Variants in BBX observed in about 807,000 individuals in gnomAD.
BBX encodes the protein HMG box transcription factor BBX.
BBX carries 30 observed loss-of-function variants against 100.2 expected under a neutral mutation model. The observed-to-expected ratio is 0.30, with a 90% CI of 0.22 to 0.41. BBX has a LOEUF of 0.41. Among genes scored for constraint, BBX ranks in the 10% least tolerant of loss-of-function variants. The pLI, the probability that BBX is intolerant of heterozygous loss-of-function variation, is 1.00. For synonymous variants in BBX, 376 were observed against 388.1 expected (o/e 0.97, Z 0.37); for missense variants, 1,023 against 1,129.8 (o/e 0.91, Z 1.35).
chr3:107,736,961 G>T (rs189701590), intron 7 of BBX, among the ~76,000 whole-genome samples: 1 of 152,192 alleles, frequency 6.6e-6, no homozygotes, highest in East Asian at 1.9e-4. Context: ...CAAATATATG[G>T]GAAGTACCTT....
chr3:107,697,569 C>G (rs372327286), intron 3 of BBX, among the ~76,000 whole-genome samples: 6 of 151,800 alleles, frequency 4.0e-5, no homozygotes, highest in Non-Finnish European at 8.8e-5. Flanking sequence ...GATCTCCAGC[C>G]GCGTGCTGGG....
At chr3:107,768,229 C>G (rs1310385355) in intron 10 of BBX, among the ~76,000 whole-genome samples, 2 of 152,156 alleles carry the variant, frequency 1.3e-5, no homozygotes, top group Non-Finnish European at 2.9e-5. Context: ...CCGACTGGTA[C>G]AAAAGCCGAC....
At chr3:107,640,275 G>T (rs778186293) in intron 2 of BBX, among the ~76,000 whole-genome samples, 6 of 152,130 alleles carry the variant, frequency 3.9e-5, no homozygotes, top group Non-Finnish European at 8.8e-5. Flanking sequence ...AAATCACATT[G>T]CTTTCTCATT....
intron 12 of BBX, 105 bp from the exon 13 acceptor site, chr3:107,778,266 C>T (rs2067489693): frequency 2.2e-6 from 3 of 1,390,242 alleles, no homozygotes; most frequent in Non-Finnish European, 3.0e-6. Flanking sequence ...TACCTAATTC[C>T]CAGAGACCCT....
At chr3:107,550,269 G>A (rs540976738) in intron 2 of BBX, among the ~76,000 whole-genome samples, 11 of 152,204 alleles carry the variant, frequency 7.2e-5, no homozygotes, top group African/African-American at 2.4e-4. Flanking sequence ...AATACCAAGA[G>A]TCAACTGTTG....
Position 107,574,370 on chromosome 3 carries a change from T to C in BBX, c.-84+47972T>C, listed in dbSNP as rs145167782. Among the ~76,000 whole-genome samples, 833 of 152,314 alleles carry C rather than the reference T, an allele frequency of 5.5e-3. 5 individuals are homozygous for C. Among genetic ancestry groups the C allele is most frequent in the Admixed American group, 0.01 (156 of 15,292 alleles). On this transcript the variant is annotated intron_variant, in intron 2 of 17. Transcript: ENST00000325805. The stretch of plus-strand genomic sequence containing the variant: ...TGTGTTATATTTGGGTACAGGTTAT[T>C]TCACTCTTTGCAATTTAGCGACTTT...
At chr3:107,791,138 A>G in intron 14 of BBX, 102 bp from the exon 15 acceptor site, 1 of 876,110 alleles carries the variant, frequency 1.1e-6, no homozygotes, top group Non-Finnish European at 1.8e-6. Context: ...TATTTGTGTG[A>G]TGTTTCAAAA....
At chr3:107,732,876 T>A in intron 6 of BBX, 80 bp from the exon 7 acceptor site, 1 of 1,183,396 alleles carries the variant, frequency 8.5e-7, no homozygotes, top group Non-Finnish European at 1.2e-6. Context: ...ATTGCTAGTC[T>A]TTATGAGTAT....
At chr3:107,725,732 G>A (rs1334617406) in intron 5 of BBX, among the ~76,000 whole-genome samples, 5 of 151,942 alleles carry the variant, frequency 3.3e-5, no homozygotes, top group African/African-American at 1.2e-4. Flanking sequence ...TAGGGCCTGA[G>A]GGAAGGGATC....
chr3:107,659,696 C>G, intron 3 of BBX: 2 of 1,271,916 alleles, frequency 1.6e-6, no homozygotes, highest in Non-Finnish European at 1.0e-6. Context: ...CACCACCACA[C>G]TGCCTGTAGA....
chr3:107,799,877 C>T (rs770988773), intron 16 of BBX, among the ~76,000 whole-genome samples: 9 of 152,246 alleles, frequency 5.9e-5, no homozygotes, highest in Admixed American at 4.6e-4. Flanking sequence ...TGAGACCCCC[C>T]GGCCGCAAAA....
intron 7 of BBX, 141 bp from the exon 8 acceptor site, chr3:107,744,489 C>A: frequency 3.1e-6 from 2 of 642,248 alleles, no homozygotes. Context: ...AATGTATATC[C>A]TGAGAAAAAT....
At chr3:107,756,147 T>C (rs9817403) in intron 10 of BBX, among the ~76,000 whole-genome samples, 152,258 of 152,276 alleles carry the variant, frequency 1, 76,120 homozygotes, top group Middle Eastern at 1. Context: ...TTTGATGTGA[T>C]GTGTGTAAAA....
intron 2 of BBX, among the ~76,000 whole-genome samples, chr3:107,618,226 A>G (rs2055444976): frequency 1.3e-5 from 2 of 151,826 alleles, no homozygotes; most frequent in South Asian, 2.1e-4. Flanking sequence ...ATAAATCCCT[A>G]TTTACGTTGT....
In BBX at chr3:107,763,820, C is replaced by T. The variant is rs531122752; in HGVS notation, c.906+8142C>T. Reference sequence around the variant, plus strand: ...TCCTGCACATCACTGTCAGATCCTTCTGACTACACAAAACACTGAGAAACC... The same window carrying T: ...TCCTGCACATCACTGTCAGATCCTTTTGACTACACAAAACACTGAGAAACC... On this transcript the variant is annotated intron_variant, in intron 10 of 17. Transcript: ENST00000325805. Among the ~76,000 whole-genome samples, 7 of 152,236 alleles carry T rather than the reference C, an allele frequency of 4.6e-5. No individual in the cohort carries two copies. The East Asian group carries it at 1.4e-3, about 29-fold the overall frequency.
intron 3 of BBX, among the ~76,000 whole-genome samples, chr3:107,651,074 C>G (rs1433950818): frequency 1.3e-5 from 2 of 152,158 alleles, no homozygotes; most frequent in Non-Finnish European, 2.9e-5. Context: ...CCTTGCTTAA[C>G]TTTTATTTCC....
intron 12 of BBX, among the ~76,000 whole-genome samples, chr3:107,777,890 A>G (rs1350479870): frequency 1.3e-5 from 2 of 152,196 alleles, no homozygotes; most frequent in East Asian, 3.8e-4. Flanking sequence ...CAAAACTACC[A>G]ATATATCATA....
chr3:107,725,717 G>T (rs1326454851), intron 5 of BBX, among the ~76,000 whole-genome samples: 3 of 152,030 alleles, frequency 2.0e-5, no homozygotes, highest in African/African-American at 7.2e-5. Flanking sequence ...AAACATGGTA[G>T]TGGATAGGGC....
At chr3:107,641,396 A>G (rs2057203317) in intron 2 of BBX, among the ~76,000 whole-genome samples, 1 of 152,104 alleles carries the variant, frequency 6.6e-6, no homozygotes, top group Non-Finnish European at 1.5e-5. Context: ...GTCATTTTTA[A>G]AAATAACTTT....
Sources: allele counts gnomAD v4.1 joint callset (sites outside exome capture counted in the v4.1 genomes callset), GRCh38; gene constraint gnomAD v4.1.1; transcripts MANE v1.5; gene names NCBI Gene and HGNC (gene_info 2026-07-23, HGNC 2026-07-21).